Variants in HEPH observed in about 807,000 individuals in gnomAD.
HEPH encodes hephaestin.
In HEPH, 69 loss-of-function variants were observed where a neutral mutation model predicts 80.8. The ratio of observed to expected loss-of-function variants is 0.85; its 90% CI spans 0.70 to 1.04. HEPH has a LOEUF of 1.04. Among genes scored for constraint, HEPH ranks in the 50% least tolerant of loss-of-function variants. The pLI, the probability that HEPH is intolerant of heterozygous loss-of-function variation, is 0.00. For missense variants in HEPH, 1,115 were observed against 891.3 expected, an observed-to-expected ratio of 1.25 and a Z score of -3.20; for synonymous variants, 431 against 322.8, an observed-to-expected ratio of 1.34 and a Z score of -3.60.
At chrX:66,263,710 C>T (rs201896907) in intron 20 of HEPH, 22 bp downstream of exon 20, 13 of 1,194,511 alleles carry the variant, frequency 1.1e-5, no homozygotes, top group Non-Finnish European at 1.2e-5. Flanking sequence ...GATGCACAGA[C>T]TGGGTACTTA....
chrX:66,162,872 A>G, upstream of HEPH: 1 of 1,153,647 alleles, frequency 8.7e-7, no homozygotes. Context: ...TCTCCTCATC[A>G]CAAAGTAAGA....
intron 15 of HEPH, among the ~76,000 whole-genome samples, chrX:66,212,914 G>C (rs766236297): frequency 9.8e-4 from 107 of 109,009 alleles, no homozygotes; most frequent in African/African-American, 3.4e-3. Flanking sequence ...AGATTGCTTT[G>C]GACAATATGG....
At chrX:66,180,372 G>C (rs2087051350) in intron 4 of HEPH, among the ~76,000 whole-genome samples, 1 of 110,888 alleles carries the variant, frequency 9.0e-6, no homozygotes, top group Non-Finnish European at 1.9e-5. Flanking sequence ...ATGATGCTTA[G>C]TTTTGCTGGA....
In HEPH at chrX:66,172,407, A is replaced by G; in HGVS notation, c.220A>G (p.Lys74Glu). The change falls in exon 3 of 21, where the codon AAG becomes GAG. Residue 74 changes from lysine (K) to glutamate (E), a missense_variant. This residue lies in a region of HEPH where 391 missense variants were observed against 343.6 expected (regional missense o/e 1.14). Transcript: ENST00000343002. Reference sequence around the variant, plus strand: ...CAAGAACCGGATAGGGGGAACCTACAAGAAGACCATCTATAAAGAATACAA... The same window carrying G: ...CAAGAACCGGATAGGGGGAACCTACGAGAAGACCATCTATAAAGAATACAA... ...SDKNRIGGTY[K>E]KTIYKEYKDD... 1 of 1,202,037 alleles carries G rather than the reference A, an allele frequency of 8.3e-7. No individual in the cohort carries two copies. The highest frequency in any genetic ancestry group is 3.0e-5 in the East Asian group (1 of 33,489).
chrX:66,205,304 T>C (rs73630912), intron 13 of HEPH, among the ~76,000 whole-genome samples: 215 of 111,937 alleles, frequency 1.9e-3, no homozygotes, highest in African/African-American at 6.8e-3. Context: ...TTTATGTCCA[T>C]ATGTACCCAA....
At chrX:66,263,530 G>T (rs533074028) in intron 19 of HEPH, 114 bp from the exon 20 acceptor site, 15 of 750,476 alleles carry the variant, frequency 2.0e-5, no homozygotes, top group Middle Eastern at 5.9e-4. Context: ...CCTTTATTTT[G>T]CTTACTTAAT....
chrX:66,170,587 T>G lies in HEPH; in HGVS notation c.17T>G (p.Leu6Arg). The change falls in exon 2 of 21, where the codon CTC (leucine) becomes CGC (arginine). Residue 6 changes from leucine (L) to arginine (R), a missense_variant. Physicochemically the swap from Leu to Arg is moderately radical, Grantham distance 102. This residue lies in a region of HEPH where 391 missense variants were observed against 343.6 expected (regional missense o/e 1.14). Transcript: ENST00000343002. MESGH[L>R]LWALLFMQSL... ...ATGTGGGCCATGGAGTCAGGCCACC[T>G]CCTCTGGGCTCTGCTGTTCATGCAG... The G allele has an allele frequency of 8.3e-7, 1 of 1,210,132 alleles. No homozygotes were observed. Among genetic ancestry groups the G allele is most frequent in the Non-Finnish European group, 1.1e-6 (1 of 894,795 alleles).
intron 15 of HEPH, among the ~76,000 whole-genome samples, chrX:66,245,930 A>G (rs2090788183): frequency 8.9e-6 from 1 of 111,813 alleles, no homozygotes; most frequent in African/African-American, 3.3e-5. Flanking sequence ...CTCTGTGCCT[A>G]TGTTTCTTTT....
chrX:66,218,203 A>G (rs777019341), intron 15 of HEPH, among the ~76,000 whole-genome samples: 7 of 112,065 alleles, frequency 6.2e-5, no homozygotes, highest in Non-Finnish European at 1.3e-4. Flanking sequence ...TTTACAGAAC[A>G]TTTTACCAAC....
In HEPH at chrX:66,242,701, G is replaced by A. The variant is rs778975629; in HGVS notation, c.2564-12334G>A. Among the ~76,000 whole-genome samples, 7 of 111,694 alleles carry A rather than the reference G, an allele frequency of 6.3e-5. No individual in the cohort carries two copies. In the East Asian group the frequency reaches 1.7e-3, roughly 27 times the overall value. Reference sequence around the variant, plus strand: ...AAACAACCCTATGGACAAAAGACACGAACAGATACTTCTTGAAGACATAGA... The same window carrying A: ...AAACAACCCTATGGACAAAAGACACAAACAGATACTTCTTGAAGACATAGA... On this transcript the variant is annotated intron_variant, in intron 15 of 20. Transcript: ENST00000343002.
At chrX:66,191,036 G>A (rs1287233680) in intron 6 of HEPH, among the ~76,000 whole-genome samples, 1 of 111,741 alleles carries the variant, frequency 8.9e-6, no homozygotes, top group East Asian at 2.8e-4. Flanking sequence ...TCATAAAATT[G>A]TAATGAGGTT....
chrX:66,206,648 TGAGCC>T (rs2088796230), intron 13 of HEPH, among the ~76,000 whole-genome samples: 2 of 109,716 alleles, frequency 1.8e-5, no homozygotes, highest in Admixed American at 2.0e-4. Context: ...ATTACAGGTG[TGAGCC>T]ACTGTGTATG....
intron 15 of HEPH, among the ~76,000 whole-genome samples, chrX:66,230,608 C>A (rs2090087670): frequency 1.0e-5 from 1 of 98,622 alleles, no homozygotes; most frequent in South Asian, 4.9e-4. Flanking sequence ...CCTTCGCCCA[C>A]TTTTTGATGG....
chrX:66,211,444 A>C (rs757016003), intron 15 of HEPH, among the ~76,000 whole-genome samples: 1 of 111,269 alleles, frequency 9.0e-6, no homozygotes, highest in South Asian at 3.8e-4. Context: ...ATTTTACTGC[A>C]TATTTGTACC....
chrX:66,261,597 G>A (rs752755929), intron 19 of HEPH, among the ~76,000 whole-genome samples: 2 of 106,497 alleles, frequency 1.9e-5, no homozygotes, highest in East Asian at 3.0e-4. Context: ...GAACAAAAAT[G>A]GTTTTCTGGG....
chrX:66,210,399 A>G (rs1394489494), intron 15 of HEPH, among the ~76,000 whole-genome samples: 1 of 111,833 alleles, frequency 8.9e-6, no homozygotes, highest in Non-Finnish European at 1.9e-5. Context: ...TAGGCAGAAC[A>G]ATTTTAGGTA....
intron 4 of HEPH, among the ~76,000 whole-genome samples, chrX:66,176,249 A>G (rs1387083944): frequency 1.8e-5 from 2 of 111,842 alleles, no homozygotes; most frequent in Non-Finnish European, 3.8e-5. Flanking sequence ...TGTTGAATGC[A>G]TTTTCTGCAT....
At chrX:66,186,423 C>T (rs1475451435) in intron 4 of HEPH, among the ~76,000 whole-genome samples, 6 of 112,088 alleles carry the variant, frequency 5.4e-5, no homozygotes, top group Non-Finnish European at 7.5e-5. Context: ...TTTCTTAAGC[C>T]GGTCTGAAAA....
intron 13 of HEPH, 107 bp from the exon 14 acceptor site, chrX:66,207,088 T>C: frequency 4.9e-6 from 3 of 616,460 alleles, no homozygotes; most frequent in South Asian, 5.2e-5. Flanking sequence ...CTTTTTTTTT[T>C]CTGTCTGTGA....
Sources: gnomAD v4.1 joint callset for allele counts (sites outside exome capture counted in the v4.1 genomes callset) on GRCh38, gnomAD v4.1.1 for gene constraint, gnomAD v4.1.1 regional missense constraint, MANE v1.5 for transcripts, NCBI Gene and HGNC (gene_info 2026-07-23, HGNC 2026-07-21) for gene names.